DOK4: variants seen among roughly 807,000 people sequenced by gnomAD.
DOK4 encodes the protein docking protein 4, also known as downstream of tyrosine kinase 4.
In DOK4, 26 loss-of-function variants were observed where a neutral mutation model predicts 40.1. That is an observed-to-expected ratio of 0.65 (90% CI 0.48 to 0.90). DOK4 has a LOEUF of 0.90. Among genes scored for constraint, DOK4 ranks in the 40% least tolerant of loss-of-function variants. DOK4 has a pLI of 0.00. For synonymous variants in DOK4, 179 were observed against 177.0 expected (o/e 1.01, Z -0.09); for missense variants, 392 against 437.2 (o/e 0.90, Z 0.92).
exon 5 of DOK4, chr16:57,475,137 A>C (rs1455158849): frequency 6.2e-7 from 1 of 1,613,688 alleles, no homozygotes; most frequent in Non-Finnish European, 8.5e-7. Flanking sequence ...CCAGGAGGTC[A>C]GGTTCTCCCA....
chr16:57,476,362 A>G (rs766391937), intron 2 of DOK4: 5 of 171,676 alleles, frequency 2.9e-5, no homozygotes, highest in Non-Finnish European at 6.2e-5. Context: ...AGATGGGGAA[A>G]GGGAGGCATC....
intron 2 of DOK4, among the ~76,000 whole-genome samples, chr16:57,477,051 C>T (rs1302138845): frequency 6.6e-6 from 1 of 152,228 alleles, no homozygotes; most frequent in Non-Finnish European, 1.5e-5. Flanking sequence ...GTTCCCCAGG[C>T]ATCTCTGGTG....
rs2031329901 is a variant in DOK4, at chr16:57,479,404, C to G, written c.66+38G>C. 6.2e-7 allele frequency: 1 copy of G among 1,609,728 alleles called. No individual in the cohort carries two copies. The highest frequency in any genetic ancestry group is 1.1e-5 in the South Asian group (1 of 90,874). Reference sequence around the variant, plus strand: ...TGGGACCGAGTCCTCGGGCCCCCATCCCTTGGCAGGGCCCCTCCGCAGCTC... The same window carrying G: ...TGGGACCGAGTCCTCGGGCCCCCATGCCTTGGCAGGGCCCCTCCGCAGCTC... On this transcript the variant is annotated intron_variant, in intron 2 of 8. Coordinates refer to ENST00000340099, the Ensembl canonical transcript of DOK4. The surrounding 1 kb of genome is among the most constrained non-coding windows in gnomAD (Gnocchi z 5.8).
intron 4 of DOK4, 120 bp downstream of exon 4, chr16:57,475,386 C>T: frequency 7.3e-7 from 1 of 1,373,842 alleles, no homozygotes; most frequent in Non-Finnish European, 1.0e-6. Context: ...CACCCCCAAC[C>T]CCACACACAC....
chr16:57,473,820 T>G (rs2031001204), intron 7 of DOK4, 81 bp downstream of exon 7: 1 of 1,595,656 alleles, frequency 6.3e-7, no homozygotes, highest in Non-Finnish European at 8.5e-7. Flanking sequence ...CTGCCTCCAC[T>G]GTGTACCCCA....
intron 3 of DOK4, 51 bp from the exon 4 acceptor site, chr16:57,475,671 T>C (rs2031126314): frequency 1.4e-6 from 1 of 731,064 alleles, no homozygotes; most frequent in African/African-American, 2.3e-5. Flanking sequence ...TCTCTCTCTC[T>C]CTCTCTCTCT....
At chr16:57,483,264 G>A (rs2031464950) in intron 1 of DOK4, among the ~76,000 whole-genome samples, 1 of 152,206 alleles carries the variant, frequency 6.6e-6, no homozygotes, top group Non-Finnish European at 1.5e-5. Context: ...CCATCCTCCA[G>A]AAGGAATGCA....
exon 9 of DOK4, chr16:57,472,561 G>C (rs1240241795): frequency 2.6e-5 from 4 of 152,650 alleles, no homozygotes; most frequent in African/African-American, 9.7e-5. Context: ...GGGGGCAGCA[G>C]GGGTGCTCCC....
chr16:57,480,593 T>C (rs1847614789), intron 1 of DOK4, among the ~76,000 whole-genome samples: 1 of 152,128 alleles, frequency 6.6e-6, no homozygotes. Flanking sequence ...AGGCCCTCCA[T>C]GTCCTGAGCA....
At chr16:57,482,684 A>G (rs1394913529) in intron 1 of DOK4, among the ~76,000 whole-genome samples, 1 of 151,950 alleles carries the variant, frequency 6.6e-6, no homozygotes, top group Admixed American at 6.6e-5. Flanking sequence ...ATGGGTTTTC[A>G]CCATGTTGCC....
intron 7 of DOK4, 68 bp from the exon 8 acceptor site, chr16:57,473,804 C>A: frequency 1.3e-6 from 2 of 1,589,996 alleles, no homozygotes; most frequent in South Asian, 1.2e-5. Context: ...CACCCCAAGA[C>A]CCTACCTGCC....
At chr16:57,482,696 A>G (rs568760262) in intron 1 of DOK4, among the ~76,000 whole-genome samples, 2 of 152,210 alleles carry the variant, frequency 1.3e-5, no homozygotes, top group East Asian at 1.9e-4. Context: ...CATGTTGCCC[A>G]GGCTGGTCTT....
At position 57,479,028 on chromosome 16, in the gene DOK4, C is replaced by T. The variant is rs2031307332; in HGVS notation, c.66+414G>A. 6.7e-6 allele frequency among the ~76,000 whole-genome samples: 1 copy of T among 150,292 alleles called. No individual in the cohort carries two copies. Among genetic ancestry groups the T allele is most frequent in the Admixed American group, 6.6e-5 (1 of 15,118 alleles). On this transcript the variant is annotated intron_variant, in intron 2 of 8. Transcript: ENST00000340099. This position sits in a 1 kb window ranked among gnomAD's most constrained non-coding sequence, Gnocchi z 5.8. ...GAGGCCAGGAGAGGTGAGGGGAGGC[C>T]GGGGGTGGGGGGCAAACGGAAGGGA...
chr16:57,474,159 G>T (rs2031034315), intron 6 of DOK4, 120 bp from the exon 7 acceptor site: 1 of 1,416,234 alleles, frequency 7.1e-7, no homozygotes, highest in East Asian at 2.4e-5. Flanking sequence ...GACAGGTAGG[G>T]CTGTGGTCTG....
Position 57,480,932 on chromosome 16 carries a change from TG to T in DOK4, c.-181-1245del, listed in dbSNP as rs149596155. ...CAGGGTGGTGATGGAGACCAGTCTG[TG>T]GGGGGAACATCCTGCTGCCGTCTCT... On this transcript the variant is annotated intron_variant, in intron 1 of 8. Transcript: ENST00000340099. Among the ~76,000 whole-genome samples the T allele has an allele frequency of 6.4e-3, 970 of 152,200 alleles. 10 individuals carry two copies. The highest frequency in any genetic ancestry group is 0.021 in the African/African-American group (870 of 41,520).
chr16:57,474,029 C>T lies in DOK4; in HGVS notation c.610G>A (p.Ala204Thr). The T allele has an allele frequency of 6.2e-7, 1 of 1,614,090 alleles. No individual in the cohort carries two copies. Among genetic ancestry groups the T allele is most frequent in the East Asian group, 2.2e-5 (1 of 44,874 alleles). Residue 204 changes from alanine to threonine, a missense_variant, in exon 7 of 9, where the codon GCT becomes ACT. Ala to Thr is a moderately conservative substitution (Grantham distance 58). Transcript: ENST00000340099. ...TGGAAGGTATAGAGTCCTTCCCCAG[C>T]ATCACACATCCTGGGGACACAGCAC...
intron 7 of DOK4, 50 bp downstream of exon 7, chr16:57,473,851 C>A (rs374269329): frequency 3.8e-6 from 6 of 1,587,896 alleles, no homozygotes; most frequent in South Asian, 2.2e-5. Context: ...CCTGCCTGCC[C>A]GCCCGTTCCC....
At chr16:57,475,423 G>T in intron 4 of DOK4, 83 bp downstream of exon 4, 1 of 1,413,036 alleles carries the variant, frequency 7.1e-7, no homozygotes, top group Non-Finnish European at 9.7e-7. Context: ...CCCAGGGTTA[G>T]CCCTGCTCTG....
chr16:57,475,751 CCT>C (rs1268664133), intron 3 of DOK4, 97 bp downstream of exon 3: 15 of 836,464 alleles, frequency 1.8e-5, no homozygotes, highest in Non-Finnish European at 2.4e-5. Context: ...CCTCTCTCCC[CCT>C]TTCTCCCCTC....
Sources: gnomAD v4.1 joint callset for allele counts (sites outside exome capture counted in the v4.1 genomes callset) on GRCh38, gnomAD v4.1.1 for gene constraint, Gnocchi (gnomAD v3.1) non-coding constraint, MANE v1.5 for transcripts, NCBI Gene and HGNC (gene_info 2026-07-23, HGNC 2026-07-21) for gene names.